The following MEGF11 variants were observed in gnomAD, a reference collection of about 807,000 sequenced individuals.
MEGF11 encodes the protein multiple epidermal growth factor-like domains protein 11.
A neutral mutation model predicts 146.6 loss-of-function variants in MEGF11; 126 were observed. The ratio of observed to expected loss-of-function variants is 0.86; its 90% confidence interval spans 0.74 to 1.00. The LOEUF is 1.00. Ranked by LOEUF, MEGF11 falls within the 50% of genes least tolerant of loss-of-function variation. The pLI is 0.00. For synonymous variants in MEGF11, 532 were observed against 583.4 expected, an observed-to-expected ratio of 0.91 and a Z score of 1.27; for missense variants, 1,509 against 1,521.2, an observed-to-expected ratio of 0.99 and a Z score of 0.13.
chr15:66,161,804 A>C (rs2089961194), intron 1 of MEGF11, among the ~76,000 whole-genome samples: 1 of 152,186 alleles, frequency 6.6e-6, no homozygotes, highest in Admixed American at 6.5e-5. Flanking sequence ...TGTGCCAACC[A>C]TGGTTCTGGG....
At chr15:66,226,511 G>C (rs773506440) in intron 1 of MEGF11, among the ~76,000 whole-genome samples, 1 of 152,052 alleles carries the variant, frequency 6.6e-6, no homozygotes, top group Non-Finnish European at 1.5e-5. Flanking sequence ...GCCTCCCAAA[G>C]TGCTGGGATT....
intron 5 of MEGF11, among the ~76,000 whole-genome samples, chr15:66,057,477 C>T (rs2084724805): frequency 1.3e-5 from 2 of 152,126 alleles, no homozygotes; most frequent in South Asian, 4.1e-4. Flanking sequence ...ACCTTGTAAT[C>T]ACTTGTAAAC....
intron 1 of MEGF11, among the ~76,000 whole-genome samples, chr15:66,193,764 A>T (rs924866596): frequency 7.9e-5 from 12 of 151,844 alleles, no homozygotes; most frequent in African/African-American, 2.7e-4. Flanking sequence ...TAGTTTGCTC[A>T]GGCTGCCGAG....
chr15:65,914,521 C>T (rs1273239559), intron 19 of MEGF11, among the ~76,000 whole-genome samples: 2 of 152,168 alleles, frequency 1.3e-5, no homozygotes, highest in South Asian at 4.1e-4. Context: ...CTCTTAAGTA[C>T]TGTGCTGTTA....
chr15:65,963,006 CAGAGGAAGGATGAATT>C (rs1241913783), intron 9 of MEGF11, among the ~76,000 whole-genome samples: 1 of 152,176 alleles, frequency 6.6e-6, no homozygotes, highest in Non-Finnish European at 1.5e-5. Flanking sequence ...AGGACTCCTT[CAGAGGAAGGATGAATT>C]ATACAGGGCA....
intron 20 of MEGF11, 63 bp from the exon 21 acceptor site, chr15:65,912,263 G>A: frequency 1.0e-6 from 1 of 996,112 alleles, no homozygotes; most frequent in Non-Finnish European, 1.3e-6. Flanking sequence ...GATACCCCCA[G>A]TACTAATGCT....
chr15:66,184,703 C>G (rs1373990242), intron 1 of MEGF11, among the ~76,000 whole-genome samples: 1 of 151,822 alleles, frequency 6.6e-6, no homozygotes, highest in African/African-American at 2.4e-5. Context: ...CTCTCACTCT[C>G]CACCCCTGCC....
intron 5 of MEGF11, among the ~76,000 whole-genome samples, chr15:66,017,325 C>T (rs1368477983): frequency 6.6e-6 from 1 of 152,190 alleles, no homozygotes; most frequent in Non-Finnish European, 1.5e-5. Context: ...ATAGGGACTG[C>T]AGTTAACTGA....
At position 66,002,976 on chromosome 15, in the gene MEGF11, C is replaced by A. The variant is rs947543810; in HGVS notation, c.395-20488G>T. ...AGTTCTCTTAAGTCTAGGGCTGTTT[C>A]TTTCTTTTCTTTCTTTTTTCTTTTT... On this transcript the variant is annotated intron_variant, in intron 5 of 25. Transcript: ENST00000395614. Among the ~76,000 whole-genome samples the A allele has an allele frequency of 6.5e-4, 10 of 15,436 alleles. No individual in the cohort carries two copies. The Non-Finnish European group carries it at 7.4e-3, about 11-fold the overall frequency. The allele number at this position is 15,436 out of a possible 152,430, so 10.1% of individuals were successfully genotyped here. A position where few individuals can be genotyped will look rare whatever the true frequency, so the allele number is the denominator to read the frequency against.
intron 5 of MEGF11, among the ~76,000 whole-genome samples, chr15:66,008,411 G>GCGCACACA (rs1188469509): frequency 2.5e-4 from 13 of 52,110 alleles, no homozygotes; most frequent in African/African-American, 6.3e-4. Flanking sequence ...ACGCGCGCGC[G>GCGCACACA]CACACACACA....
At chr15:65,979,814 C>T (rs1450260715) in intron 7 of MEGF11, among the ~76,000 whole-genome samples, 2 of 152,286 alleles carry the variant, frequency 1.3e-5, no homozygotes, top group South Asian at 2.1e-4. Flanking sequence ...CAGGGCAGGG[C>T]TCACTGTTGT....
chr15:65,939,868 A>G (rs1000670081), intron 10 of MEGF11, among the ~76,000 whole-genome samples: 4 of 152,216 alleles, frequency 2.6e-5, no homozygotes, highest in Admixed American at 6.5e-5. Flanking sequence ...CACTTACCAC[A>G]GTTGTAATGA....
At chr15:65,918,119 C>G in intron 15 of MEGF11, 25 bp from the exon 16 acceptor site, 1 of 1,612,536 alleles carries the variant, frequency 6.2e-7, no homozygotes, top group Non-Finnish European at 8.5e-7. Flanking sequence ...CAGCCTGGCA[C>G]CCATCCTCCC....
At chr15:65,929,678 G>A (rs781410282) in intron 12 of MEGF11, 42 bp downstream of exon 12, 1 of 1,535,168 alleles carries the variant, frequency 6.5e-7, no homozygotes. Flanking sequence ...GGGCGTGAGG[G>A]GATGCGGAGC....
At chr15:66,209,830 G>GT (rs1387991347) in intron 1 of MEGF11, among the ~76,000 whole-genome samples, 1 of 145,722 alleles carries the variant, frequency 6.9e-6, no homozygotes, top group African/African-American at 2.5e-5. Flanking sequence ...TGACAGAAAT[G>GT]TTTTTTTTTT....
chr15:66,091,423 T>G (rs2086318148), intron 5 of MEGF11, among the ~76,000 whole-genome samples: 1 of 152,178 alleles, frequency 6.6e-6, no homozygotes, highest in African/African-American at 2.4e-5. Flanking sequence ...AATTTCAACC[T>G]TGGACTATAT....
chr15:65,912,916 A>T (rs1460170372), intron 20 of MEGF11, among the ~76,000 whole-genome samples: 1 of 152,190 alleles, frequency 6.6e-6, no homozygotes, highest in Non-Finnish European at 1.5e-5. Flanking sequence ...CAGATGAGCC[A>T]TGAGCCACGT....
Position 66,119,102 on chromosome 15 carries a change from G to T in MEGF11, c.285C>A (p.Ser95Arg). The change falls in exon 4 of 26, where the codon AGC becomes AGA. Residue 95 changes from serine (S) to arginine (R), a missense_variant. Physicochemically the swap from Ser to Arg is moderately radical, Grantham distance 110 (BLOSUM62 -1). Coordinates refer to ENST00000395614, the MANE Select transcript of MEGF11 (RefSeq NM_001385028.1). ...CCTACATACGTATGCAGAAGTCTCC[G>T]CTCTCATAGTAGCCAGGGCAGCACT... ...RSQCCPGYYE[S>R]GDFCIPLCTE... 2 of 1,550,238 alleles carry T rather than the reference G, an allele frequency of 1.3e-6. No homozygotes were observed. The highest frequency in any genetic ancestry group is 8.7e-7 in the Non-Finnish European group (1 of 1,146,510).
At chr15:66,146,853 A>G (rs2089393020) in intron 1 of MEGF11, among the ~76,000 whole-genome samples, 1 of 152,228 alleles carries the variant, frequency 6.6e-6, no homozygotes, top group African/African-American at 2.4e-5. Context: ...GCACCTTCTC[A>G]GGGGGGTGTC....
Sources: gnomAD v4.1 joint callset for allele counts (sites outside exome capture counted in the v4.1 genomes callset) on GRCh38, gnomAD v4.1.1 for gene constraint, MANE v1.5 for transcripts, NCBI Gene and HGNC (gene_info 2026-07-23, HGNC 2026-07-21) for gene names.